NCKAP5: variants seen among roughly 807,000 people sequenced by gnomAD.
NCKAP5 encodes the protein nck-associated protein 5.
NCKAP5 carries 92 observed loss-of-function variants against 167.0 expected under a neutral mutation model. The ratio of observed to expected loss-of-function variants is 0.55; its 90% CI spans 0.47 to 0.66. NCKAP5 has a LOEUF of 0.66. Among genes scored for constraint, NCKAP5 ranks in the 30% least tolerant of loss-of-function variants. The probability of loss-of-function intolerance (pLI) is 0.00; values close to 1 mark genes in which losing one functional copy is unlikely to be tolerated. For synonymous variants in NCKAP5, 891 were observed against 877.4 expected (o/e 1.02, Z -0.27); for missense variants, 2,378 against 2,315.0 (o/e 1.03, Z -0.56).
chr2:133,484,648 AATAGTT>A (rs1478883995), intron 3 of NCKAP5, among the ~76,000 whole-genome samples: 6 of 152,300 alleles, frequency 3.9e-5, no homozygotes, highest in African/African-American at 1.4e-4. Context: ...TTGCTTTTCT[AATAGTT>A]CAATGTACAC....
At chr2:133,605,859 C>T in the NCKAP5 span, among the ~76,000 whole-genome samples, 3 of 152,078 alleles carry the variant, frequency 2.0e-5, no homozygotes, top group Non-Finnish European at 4.4e-5. Flanking sequence ...GCTGCAATGA[C>T]CTGGGTAAAT....
Position 133,427,221 on chromosome 2 carries a change from A to C in NCKAP5, c.69+90237T>G, listed in dbSNP as rs574347014. Among the ~76,000 whole-genome samples the C allele has an allele frequency of 4.7e-4, 71 of 152,338 alleles. No individual in the cohort carries two copies. In the Middle Eastern group the frequency reaches 0.017, roughly 36 times the overall value. ...AAACATAAAAGCATACAACATAAAGACTAAGATAACAGACATAAATGAGTA... is the reference window on the plus strand; with the variant it reads ...AAACATAAAAGCATACAACATAAAGCCTAAGATAACAGACATAAATGAGTA... On this transcript the variant is annotated intron_variant, in intron 3 of 19. Transcript: ENST00000409261.
chr2:133,483,524 AC>A (rs1680638438), intron 3 of NCKAP5, among the ~76,000 whole-genome samples: 1 of 151,402 alleles, frequency 6.6e-6, no homozygotes, highest in Non-Finnish European at 1.5e-5. Flanking sequence ...TGTGTGTTTT[AC>A]CCTCTGTTGG....
intron 4 of NCKAP5, among the ~76,000 whole-genome samples, chr2:133,267,892 A>G (rs1189655607): frequency 6.6e-6 from 1 of 152,218 alleles, no homozygotes; most frequent in African/African-American, 2.4e-5. Flanking sequence ...GTTTTCAAGT[A>G]TAATATAAAT....
chr2:133,462,189 G>C (rs1334550339), intron 3 of NCKAP5, among the ~76,000 whole-genome samples: 1 of 152,208 alleles, frequency 6.6e-6, no homozygotes, highest in Non-Finnish European at 1.5e-5. Context: ...CTTCCAGGCA[G>C]TACAGTCAAT....
At chr2:132,800,011 T>C (rs1684904082) in intron 11 of NCKAP5, among the ~76,000 whole-genome samples, 1 of 152,200 alleles carries the variant, frequency 6.6e-6, no homozygotes, top group South Asian at 2.1e-4. Context: ...ACATTTCTTA[T>C]GACAAGAATT....
intron 19 of NCKAP5, among the ~76,000 whole-genome samples, chr2:132,688,450 T>A (rs1686255357): frequency 6.6e-6 from 1 of 152,204 alleles, no homozygotes. Context: ...ATAATCATAT[T>A]AATTGCTATC....
rs931878079 is a variant in NCKAP5, at chr2:132,783,246, T to C, written c.3565A>G (p.Lys1189Glu). The C allele has an allele frequency of 6.2e-7, 1 of 1,613,856 alleles. No individual in the cohort carries two copies. ...SKSSVAVNKS[K>E]PEDSKNPASM... ...GCTGGATTCTTGGAGTCCTCTGGCT[T>C]AGACTTGTTCACAGCCACGGAACTT... The change falls in exon 14 of 20, where the codon AAG (lysine) becomes GAG (glutamate). Residue 1189 changes from lysine (K) to glutamate (E), a missense_variant. Lys to Glu is a moderately conservative substitution (Grantham distance 56, BLOSUM62 1). Transcript: ENST00000409261.
Position 132,829,798 on chromosome 2 carries a change from TG to T in NCKAP5, c.807+30693del, listed in dbSNP as rs538435018. On this transcript the variant is annotated intron_variant, in intron 11 of 19. Transcript: ENST00000409261. ...CAGGTGATGCTGCTGCTGTTGGTGGTGGTGCAGGGACCTCAGTTGAGAACCA... is the reference window on the plus strand; with the variant it reads ...CAGGTGATGCTGCTGCTGTTGGTGGTGTGCAGGGACCTCAGTTGAGAACCA... Among the ~76,000 whole-genome samples, 70 of 152,214 alleles carry T rather than the reference TG, an allele frequency of 4.6e-4. 1 individual carries two copies. Among genetic ancestry groups the T allele is most frequent in the Admixed American group, 3.2e-3 (49 of 15,274 alleles).
At chr2:132,929,702 T>C (rs1696212750) in intron 8 of NCKAP5, among the ~76,000 whole-genome samples, 1 of 152,144 alleles carries the variant, frequency 6.6e-6, no homozygotes, top group Non-Finnish European at 1.5e-5. Context: ...CTCTCTATAA[T>C]ACAGGGGTAA....
At chr2:133,579,514 A>AC in the NCKAP5 span, among the ~76,000 whole-genome samples, 3 of 152,120 alleles carry the variant, frequency 2.0e-5, no homozygotes, top group African/African-American at 7.2e-5. Context: ...CCCAGACTCC[A>AC]CCCTTCTTTT....
At chr2:132,904,429 T>C (rs920965891) in intron 8 of NCKAP5, among the ~76,000 whole-genome samples, 1 of 152,026 alleles carries the variant, frequency 6.6e-6, no homozygotes, top group Non-Finnish European at 1.5e-5. Context: ...GACCATACTA[T>C]ACGTTATTTA....
intron 7 of NCKAP5, among the ~76,000 whole-genome samples, chr2:132,971,679 C>T (rs146558701): frequency 1.7e-3 from 261 of 152,316 alleles, no homozygotes; most frequent in Middle Eastern, 3.4e-3. Flanking sequence ...GTTTGTAAGG[C>T]GTTCCATAAT....
chr2:132,794,249 TATATATATATATATAGAGAG>T (rs1260321279), intron 12 of NCKAP5, among the ~76,000 whole-genome samples: 20 of 60,304 alleles, frequency 3.3e-4, no homozygotes, highest in African/African-American at 8.1e-4. Flanking sequence ...TATATATATA[TATATATATATATATAGAGAG>T]AGAGAGAGAG....
chr2:133,557,719 C>G (rs1321435914), intron 2 of NCKAP5, among the ~76,000 whole-genome samples: 1 of 152,184 alleles, frequency 6.6e-6, no homozygotes, highest in Non-Finnish European at 1.5e-5. Flanking sequence ...GGAGAAACAC[C>G]CTTTCAAGGG....
At chr2:133,486,576 A>T (rs1383510244) in intron 3 of NCKAP5, among the ~76,000 whole-genome samples, 2 of 152,308 alleles carry the variant, frequency 1.3e-5, no homozygotes, top group East Asian at 3.9e-4. Flanking sequence ...AGAATTGGAA[A>T]TTACAGATGG....
At chr2:132,946,501 G>A (rs1697741277) in intron 8 of NCKAP5, among the ~76,000 whole-genome samples, 2 of 152,060 alleles carry the variant, frequency 1.3e-5, no homozygotes, top group Non-Finnish European at 2.9e-5. Context: ...GCCCCTACAT[G>A]TCCCAAAAAC....
chr2:133,421,497 GA>G, intron 3 of NCKAP5, among the ~76,000 whole-genome samples: 1 of 152,194 alleles, frequency 6.6e-6, no homozygotes, highest in African/African-American at 2.4e-5. Flanking sequence ...GAGGAGAAGG[GA>G]GAGAGATTCA....
chr2:133,466,559 A>C (rs1692606206), intron 3 of NCKAP5, among the ~76,000 whole-genome samples: 1 of 152,008 alleles, frequency 6.6e-6, no homozygotes, highest in Non-Finnish European at 1.5e-5. Flanking sequence ...AGGCATTGGT[A>C]GCTTGATGGG....
Sources: allele counts gnomAD v4.1 joint callset (sites outside exome capture counted in the v4.1 genomes callset), GRCh38; gene constraint gnomAD v4.1.1; transcripts MANE v1.5; gene names NCBI Gene and HGNC (gene_info 2026-07-23, HGNC 2026-07-21).